Variants in C4orf50 observed in about 807,000 individuals in gnomAD.
C4orf50 encodes the protein uncharacterized protein C4orf50.
Under a neutral mutation model 77.2 loss-of-function variants are expected in C4orf50, and 80 were observed. The ratio of observed to expected loss-of-function variants is 1.04; its 90% confidence interval spans 0.87 to 1.25. The LOEUF is 1.25. Among genes scored for constraint, C4orf50 ranks in the 50% most tolerant of loss-of-function variants. The pLI, the probability that C4orf50 is intolerant of heterozygous loss-of-function variation, is 0.00. For synonymous variants in C4orf50, 532 were observed against 465.3 expected (o/e 1.14, Z -1.84); for missense variants, 1,257 against 1,152.9 (o/e 1.09, Z -1.31).
intron 25 of C4orf50, among the ~76,000 whole-genome samples, chr4:5,996,819 C>A (rs1268399064): frequency 2.0e-5 from 3 of 152,248 alleles, no homozygotes; most frequent in Non-Finnish European, 2.9e-5. Flanking sequence ...GTCCTGACAG[C>A]CACCTGCCTG....
At chr4:6,001,515 G>C (rs1337708010) in intron 25 of C4orf50, among the ~76,000 whole-genome samples, 1 of 152,166 alleles carries the variant, frequency 6.6e-6, no homozygotes, top group Non-Finnish European at 1.5e-5. Flanking sequence ...TCATCCAGTA[G>C]AAATCCACAG....
intron 29 of C4orf50, among the ~76,000 whole-genome samples, chr4:5,978,543 C>T (rs1336012178): frequency 2.0e-5 from 3 of 152,194 alleles, no homozygotes; most frequent in Admixed American, 6.5e-5. Context: ...TTTCCACACA[C>T]ACCCCCTCCC....
chr4:5,915,055 G>A (rs1171389284), intron 7 of C4orf50, among the ~76,000 whole-genome samples: 1 of 152,104 alleles, frequency 6.6e-6, no homozygotes, highest in Non-Finnish European at 1.5e-5. Flanking sequence ...TCAATATACA[G>A]GACAGGCACC....
intron 7 of C4orf50, among the ~76,000 whole-genome samples, chr4:5,926,131 C>T (rs1717502282): frequency 6.6e-6 from 1 of 152,128 alleles, no homozygotes; most frequent in South Asian, 2.1e-4. Flanking sequence ...TATAATGAGC[C>T]CCTATTAATC....
At position 6,000,006 on chromosome 4, in the gene C4orf50, GA is replaced by G. The variant is rs1721760675; in HGVS notation, c.964-5531del. On this transcript the variant is annotated intron_variant, in intron 25 of 33. Coordinates refer to ENST00000531445, the Ensembl canonical transcript of C4orf50. The surrounding 1 kb of genome is among the most constrained non-coding windows in gnomAD (Gnocchi z 6.0). Reference sequence around the variant, plus strand: ...GAAGGAGCAGAACACCGGGGGCCTTGAATGCCGTGGATAGGAGGTTGAACTT... The same window carrying G: ...GAAGGAGCAGAACACCGGGGGCCTTGATGCCGTGGATAGGAGGTTGAACTT... Among the ~76,000 whole-genome samples, 1 of 152,092 alleles carries G rather than the reference GA, an allele frequency of 6.6e-6. No individual in the cohort carries two copies.
At chr4:5,965,137 A>T (rs1423670913) in exon 33 of C4orf50, 4 of 1,612,590 alleles carry the variant, frequency 2.5e-6, no homozygotes, top group Non-Finnish European at 3.4e-6. Context: ...TTCAAGAGGT[A>T]TGTCTGAGCT....
At chr4:5,942,635 T>C (rs1718315358) in intron 7 of C4orf50, among the ~76,000 whole-genome samples, 1 of 152,226 alleles carries the variant, frequency 6.6e-6, no homozygotes, top group African/African-American at 2.4e-5. Flanking sequence ...GTTTGTTTAC[T>C]CCTACAAGAG....
chr4:6,003,086 C>A (rs1468828536), intron 25 of C4orf50, among the ~76,000 whole-genome samples: 3 of 152,210 alleles, frequency 2.0e-5, no homozygotes, highest in African/African-American at 2.4e-5. Flanking sequence ...GCTCTCAGCT[C>A]CTTGGCCCAG....
At chr4:5,995,339 C>T (rs896067169) in intron 25 of C4orf50, among the ~76,000 whole-genome samples, 1 of 152,182 alleles carries the variant, frequency 6.6e-6, no homozygotes, top group African/African-American at 2.4e-5. Context: ...TGCGACTGCC[C>T]GGTACCTTGG....
intron 7 of C4orf50, among the ~76,000 whole-genome samples, chr4:5,942,843 T>A (rs944094128): frequency 2.0e-5 from 3 of 152,218 alleles, no homozygotes; most frequent in African/African-American, 7.2e-5. Context: ...ACATACAGTA[T>A]GATCTCGTTT....
intron 7 of C4orf50, among the ~76,000 whole-genome samples, chr4:5,939,244 A>T (rs930521383): frequency 6.6e-6 from 1 of 151,594 alleles, no homozygotes; most frequent in Non-Finnish European, 1.5e-5. Context: ...ACTCTGTCTC[A>T]AAAAAAAAGA....
chr4:5,976,071 T>C (rs1310420448), intron 29 of C4orf50, 116 bp from the exon 8 acceptor site: 14 of 776,466 alleles, frequency 1.8e-5, no homozygotes, highest in Non-Finnish European at 2.7e-5. Context: ...TTTACCCTCA[T>C]GGGGACTCAG....
chr4:5,984,931 C>A (rs970072971), intron 28 of C4orf50, among the ~76,000 whole-genome samples: 1 of 150,820 alleles, frequency 6.6e-6, no homozygotes, highest in Non-Finnish European at 1.5e-5. Flanking sequence ...TATAGTGAAG[C>A]TGCCAAAACT....
At chr4:5,975,870 AT>A in intron 30 of C4orf50, 28 bp downstream of exon 8, 1 of 1,530,336 alleles carries the variant, frequency 6.5e-7, no homozygotes, top group East Asian at 2.2e-5. Flanking sequence ...TGAAAGAGGC[AT>A]TTCATGTTGA....
chr4:5,950,731 C>T (rs1718679244), intron 7 of C4orf50, among the ~76,000 whole-genome samples: 2 of 152,104 alleles, frequency 1.3e-5, no homozygotes, highest in South Asian at 2.1e-4. Context: ...CTCACGACAT[C>T]GATCAGGACT....
chr4:5,906,185 C>T (rs1365922605), intron 7 of C4orf50, among the ~76,000 whole-genome samples: 4 of 151,266 alleles, frequency 2.6e-5, no homozygotes, highest in African/African-American at 2.4e-5. Context: ...GGAGATGAAC[C>T]TGTGACGGTT....
At position 6,000,553 on chromosome 4, in the gene C4orf50, C is replaced by G. The variant is rs1721788576; in HGVS notation, c.964-6077G>C. On this transcript the variant is annotated intron_variant, in intron 25 of 33. Transcript: ENST00000531445. This position sits in a 1 kb window ranked among gnomAD's most constrained non-coding sequence, Gnocchi z 6.0. ...GTCACATGCTGCAGCCTGGGTCCAG[C>G]CCCCACTGCAACACCAGGGTCCTCC... 6.6e-6 allele frequency among the ~76,000 whole-genome samples: 1 copy of G among 152,216 alleles called. No homozygotes were observed. Among genetic ancestry groups the G allele is most frequent in the Admixed American group, 6.5e-5 (1 of 15,304 alleles).
intron 7 of C4orf50, among the ~76,000 whole-genome samples, chr4:5,911,075 G>A (rs1716785374): frequency 6.6e-6 from 1 of 151,684 alleles, no homozygotes; most frequent in South Asian, 2.1e-4. Context: ...CTGGCTAATT[G>A]TTTTTTGTAT....
At position 5,970,050 on chromosome 4, in the gene C4orf50, G is replaced by T. The variant is rs183902477; in HGVS notation, c.4105-2588C>A. ...CCGGGCCTCTGCCTCCAAGGTCTCA[G>T]GGACGGGGAAAGGGGACGATGTAAC... On this transcript the variant is annotated intron_variant, in intron 31 of 33. Coordinates refer to ENST00000531445, the Ensembl canonical transcript of C4orf50. This position sits in a 1 kb window ranked among gnomAD's most constrained non-coding sequence, Gnocchi z 4.3. 2.0e-4 allele frequency among the ~76,000 whole-genome samples: 30 copies of T among 152,180 alleles called. No individual in the cohort carries two copies. The highest frequency in any genetic ancestry group is 6.5e-4 in the African/African-American group (27 of 41,516).
Sources: gnomAD v4.1 joint callset for allele counts (sites outside exome capture counted in the v4.1 genomes callset) on GRCh38, gnomAD v4.1.1 for gene constraint, Gnocchi (gnomAD v3.1) non-coding constraint, MANE v1.5 for transcripts, NCBI Gene and HGNC (gene_info 2026-07-23, HGNC 2026-07-21) for gene names.